Variants in GCNT1 observed in about 807,000 individuals in gnomAD.
GCNT1 encodes beta-1,3-galactosyl-O-glycosyl-glycoprotein beta-1,6-N-acetylglucosaminyltransferase.
In GCNT1, 16 loss-of-function variants were observed where a neutral mutation model predicts 26.2. That is an observed-to-expected ratio of 0.61 (90% CI 0.41 to 0.93). The LOEUF (loss-of-function observed/expected upper bound fraction) is 0.93. Among genes scored for constraint, GCNT1 ranks in the 40% least tolerant of loss-of-function variants. The probability of loss-of-function intolerance (pLI) is 0.00; values close to 1 mark genes in which losing one functional copy is unlikely to be tolerated. For missense variants in GCNT1, 477 were observed against 526.7 expected (o/e 0.91, Z 0.92); for synonymous variants, 183 against 190.8 (o/e 0.96, Z 0.34).
chr9:76,395,785 T>C, the GCNT1 span, among the ~76,000 whole-genome samples: 1 of 152,146 alleles, frequency 6.6e-6, no homozygotes, highest in Non-Finnish European at 1.5e-5. Flanking sequence ...AGAGTAGTAA[T>C]AGCAAGTTGT....
At chr9:76,465,029 A>G (rs1564233177) in intron 2 of GCNT1, among the ~76,000 whole-genome samples, 1 of 152,016 alleles carries the variant, frequency 6.6e-6, no homozygotes. Flanking sequence ...GCTGGAGTGC[A>G]GTGGCTATTC....
the GCNT1 span, among the ~76,000 whole-genome samples, chr9:76,397,223 T>C: frequency 6.6e-6 from 1 of 151,846 alleles, no homozygotes; most frequent in East Asian, 1.9e-4. Flanking sequence ...CGGAGGTTGC[T>C]ATGAGCCGAG....
intron 1 of GCNT1, among the ~76,000 whole-genome samples, chr9:76,443,505 T>G (rs1314662822): frequency 6.6e-6 from 1 of 152,268 alleles, no homozygotes; most frequent in Non-Finnish European, 1.5e-5. Flanking sequence ...GCTCATGCTA[T>G]TGTTTGTGGC....
At chr9:76,400,446 T>G in the GCNT1 span, among the ~76,000 whole-genome samples, 1 of 152,222 alleles carries the variant, frequency 6.6e-6, no homozygotes, top group Non-Finnish European at 1.5e-5. Flanking sequence ...AGTCTCTCTC[T>G]ACTGCTTTTT....
chr9:76,506,605 G>A lies in GCNT1; in HGVS notation c.*2937G>A, dbSNP rs1825245453. On this transcript the variant is annotated 3_prime_UTR_variant, in exon 4 of 4. Coordinates refer to ENST00000376730, the MANE Select transcript of GCNT1 (RefSeq NM_001490.5). ...TTGTGATGGAAGGATTCTAGTTAAT[G>A]AGTATTGCATCAAGATTTACATCTT... is the stretch of plus-strand genomic sequence containing the variant. 1.2e-5 allele frequency: 2 copies of A among 167,160 alleles called. No homozygotes were observed. Among genetic ancestry groups the A allele is most frequent in the East Asian group, 3.9e-4 (2 of 5,182 alleles). The allele number at this position is 167,160 out of a possible 1,614,324, so 10.4% of individuals were successfully genotyped here. A position where few individuals can be genotyped will look rare whatever the true frequency, so the allele number is the denominator to read the frequency against.
Position 76,488,128 on chromosome 9 carries a change from C to A in GCNT1, c.-289-12788C>A, listed in dbSNP as rs568838500. Among the ~76,000 whole-genome samples, 4 of 152,296 alleles carry A rather than the reference C, an allele frequency of 2.6e-5. No individual in the cohort carries two copies. In the East Asian group the frequency reaches 5.8e-4, roughly 22 times the overall value. On this transcript the variant is annotated intron_variant, in intron 2 of 3. Transcript: ENST00000376730. ...CATTTGATGTGGCTTAGTTTCCCCCCTCCCCTGAAAGTATATGCAGTATTC... is the reference window on the plus strand; with the variant it reads ...CATTTGATGTGGCTTAGTTTCCCCCATCCCCTGAAAGTATATGCAGTATTC...
the GCNT1 span, among the ~76,000 whole-genome samples, chr9:76,403,485 A>C: frequency 6.6e-6 from 1 of 152,242 alleles, no homozygotes; most frequent in Non-Finnish European, 1.5e-5. Flanking sequence ...ATGGCATATT[A>C]AAATTTTGCT....
intron 1 of GCNT1, among the ~76,000 whole-genome samples, chr9:76,421,511 C>T (rs1055498296): frequency 3.5e-5 from 5 of 144,396 alleles, no homozygotes; most frequent in East Asian, 2.1e-4. Context: ...GGCTGAGGCA[C>T]GATAATTGCT....
At chr9:76,481,304 G>T (rs74977282) in intron 2 of GCNT1, among the ~76,000 whole-genome samples, 4,281 of 151,798 alleles carry the variant, frequency 0.028, 197 homozygotes, top group African/African-American at 0.098. Context: ...TACCCCTTCT[G>T]CTTGATCAAG....
At chr9:76,499,141 T>G (rs1479365145) in intron 2 of GCNT1, among the ~76,000 whole-genome samples, 2 of 152,120 alleles carry the variant, frequency 1.3e-5, no homozygotes, top group Non-Finnish European at 2.9e-5. Context: ...ACAATCCTTT[T>G]TTTTGAGATG....
At chr9:76,465,601 C>G (rs1029995176) in intron 2 of GCNT1, among the ~76,000 whole-genome samples, 2 of 152,206 alleles carry the variant, frequency 1.3e-5, no homozygotes, top group Admixed American at 6.5e-5. Context: ...GGCTTCAGCC[C>G]CCTGAGCCAG....
intron 2 of GCNT1, among the ~76,000 whole-genome samples, chr9:76,465,223 A>G (rs2131598304): frequency 6.6e-6 from 1 of 150,794 alleles, no homozygotes; most frequent in African/African-American, 2.4e-5. Flanking sequence ...GCAATGGTGC[A>G]ATCTCGGCTC....
intron 2 of GCNT1, among the ~76,000 whole-genome samples, chr9:76,484,939 C>T (rs1316326283): frequency 6.6e-6 from 1 of 151,968 alleles, no homozygotes; most frequent in Non-Finnish European, 1.5e-5. Flanking sequence ...CAGACTCGTG[C>T]CACCACACCC....
chr9:76,442,576 G>A (rs891995184), intron 1 of GCNT1, among the ~76,000 whole-genome samples: 2 of 152,124 alleles, frequency 1.3e-5, no homozygotes, highest in Non-Finnish European at 2.9e-5. Flanking sequence ...AGCTACTTGG[G>A]AGGCTGAGGC....
At chr9:76,492,580 G>A (rs927731119) in intron 2 of GCNT1, among the ~76,000 whole-genome samples, 6 of 150,502 alleles carry the variant, frequency 4.0e-5, no homozygotes, top group East Asian at 3.9e-4. Context: ...TGCTTGCCCC[G>A]GGCACCCTCA....
intron 1 of GCNT1, among the ~76,000 whole-genome samples, chr9:76,425,771 A>G (rs1264005485): frequency 6.6e-6 from 1 of 152,166 alleles, no homozygotes; most frequent in Non-Finnish European, 1.5e-5. Flanking sequence ...TTGGTGTGTC[A>G]GGGCCGGTGA....
the GCNT1 span, chr9:76,399,719 A>G: frequency 1.6e-6 from 1 of 607,648 alleles, no homozygotes; most frequent in South Asian, 2.1e-5. Flanking sequence ...CTGAATGCAA[A>G]TGGAATGGAT....
intron 2 of GCNT1, among the ~76,000 whole-genome samples, chr9:76,461,787 G>A (rs912403537): frequency 6.6e-6 from 1 of 152,054 alleles, no homozygotes; most frequent in African/African-American, 2.4e-5. Flanking sequence ...TACTCAGGAG[G>A]CTGAGGCAGG....
intron 2 of GCNT1, among the ~76,000 whole-genome samples, chr9:76,496,558 C>A (rs907335486): frequency 3.3e-5 from 5 of 151,886 alleles, no homozygotes; most frequent in Non-Finnish European, 7.4e-5. Flanking sequence ...CTCAGCGGCA[C>A]CCTGTCTATC....
Sources: allele counts gnomAD v4.1 joint callset (sites outside exome capture counted in the v4.1 genomes callset), GRCh38; gene constraint gnomAD v4.1.1; transcripts MANE v1.5; gene names NCBI Gene and HGNC (gene_info 2026-07-23, HGNC 2026-07-21).